Variants in HPSE2 observed in about 807,000 individuals in gnomAD.
HPSE2 encodes heparanase 2 (inactive).
A neutral mutation model predicts 60.5 loss-of-function variants in HPSE2; 38 were observed. The observed-to-expected ratio is 0.63, with a 90% CI of 0.48 to 0.82. The LOEUF (loss-of-function observed/expected upper bound fraction) is 0.82. Ranked by LOEUF, HPSE2 falls within the 40% of genes least tolerant of loss-of-function variation. The pLI, the probability that HPSE2 is intolerant of heterozygous loss-of-function variation, is 0.00. For missense variants in HPSE2, 713 were observed against 740.4 expected (o/e 0.96, Z 0.43); for synonymous variants, 295 against 293.2 (o/e 1.01, Z -0.06).
rs964179277 is a variant in HPSE2, at chr10:99,232,624, G to A, written c.291-119C>T. The A allele has an allele frequency of 3.4e-6, 4 of 1,168,126 alleles. No homozygotes were observed. The Admixed American group carries it at 6.2e-5, about 18-fold the overall frequency. The allele number at this position is 1,168,126 out of a possible 1,614,324, so 72.4% of individuals were successfully genotyped here. On this transcript the variant is annotated intron_variant, in intron 1 of 11. Transcript: ENST00000370552. ...CGACCTGGCCGGGGCTAGAGGCTCT[G>A]TGCCTGCCCCAGCCGGCAGTCCACG...
intron 3 of HPSE2, among the ~76,000 whole-genome samples, chr10:98,794,863 T>A (rs1422335292): frequency 6.6e-6 from 1 of 151,936 alleles, no homozygotes; most frequent in Non-Finnish European, 1.5e-5. Flanking sequence ...AAAAATATAA[T>A]GTTAATTGTA....
intron 9 of HPSE2, among the ~76,000 whole-genome samples, chr10:98,566,563 A>G (rs1564973724): frequency 6.6e-6 from 1 of 152,174 alleles, no homozygotes; most frequent in South Asian, 2.1e-4. Flanking sequence ...TGGCTTTTTA[A>G]AAGTCAAATT....
chr10:99,305,978 C>CACACACATAA, the HPSE2 span, among the ~76,000 whole-genome samples: 6 of 127,788 alleles, frequency 4.7e-5, no homozygotes, highest in Non-Finnish European at 9.9e-5. Context: ...CGCGCGCGCG[C>CACACACATAA]GCACACACAC....
chr10:98,492,746 G>C (rs973819326), intron 9 of HPSE2, among the ~76,000 whole-genome samples: 1 of 152,142 alleles, frequency 6.6e-6, no homozygotes, highest in East Asian at 1.9e-4. Flanking sequence ...GTTTGGGATA[G>C]ATATATAAAA....
At chr10:99,171,162 A>G (rs1339249266) in intron 2 of HPSE2, among the ~76,000 whole-genome samples, 1 of 152,216 alleles carries the variant, frequency 6.6e-6, no homozygotes, top group Admixed American at 6.5e-5. Context: ...GAAAGTATTC[A>G]TTCTTACAAG....
At chr10:99,234,390 A>G (rs1366030733) in intron 1 of HPSE2, among the ~76,000 whole-genome samples, 2 of 152,220 alleles carry the variant, frequency 1.3e-5, no homozygotes, top group Non-Finnish European at 2.9e-5. Context: ...GAATTTCGCA[A>G]GGAGTGAAAA....
the HPSE2 span, among the ~76,000 whole-genome samples, chr10:99,294,888 G>T: frequency 6.6e-6 from 1 of 152,142 alleles, no homozygotes; most frequent in South Asian, 2.1e-4. Flanking sequence ...CCTGGTAAGT[G>T]GAGGTTGCAG....
At chr10:98,659,495 G>A (rs1947167391) in intron 6 of HPSE2, among the ~76,000 whole-genome samples, 1 of 152,126 alleles carries the variant, frequency 6.6e-6, no homozygotes, top group African/African-American at 2.4e-5. Flanking sequence ...CCATGTATCA[G>A]TATTTCATTT....
intron 6 of HPSE2, among the ~76,000 whole-genome samples, chr10:98,684,349 G>T (rs529340789): frequency 2.0e-5 from 3 of 152,150 alleles, no homozygotes; most frequent in African/African-American, 7.2e-5. Context: ...TATAGAAACA[G>T]GAGATTTACT....
At chr10:98,565,822 T>C (rs1465376850) in intron 9 of HPSE2, among the ~76,000 whole-genome samples, 3 of 148,866 alleles carry the variant, frequency 2.0e-5, no homozygotes, top group African/African-American at 7.4e-5. Context: ...AAGTATTGTT[T>C]TATTAAATCT....
intron 9 of HPSE2, among the ~76,000 whole-genome samples, chr10:98,609,304 T>C (rs1224554968): frequency 2.0e-5 from 3 of 152,222 alleles, no homozygotes; most frequent in Non-Finnish European, 2.9e-5. Flanking sequence ...GTATCTCTAG[T>C]GTCTAGCATA....
chr10:98,753,657 G>A (rs1949810647), intron 3 of HPSE2, among the ~76,000 whole-genome samples: 1 of 147,784 alleles, frequency 6.8e-6, no homozygotes, highest in South Asian at 2.2e-4. Context: ...CAGCACAGCA[G>A]CAAGTGCTTA....
At chr10:98,557,086 G>A (rs555872268) in intron 9 of HPSE2, among the ~76,000 whole-genome samples, 8 of 152,032 alleles carry the variant, frequency 5.3e-5, no homozygotes, top group Admixed American at 1.3e-4. Context: ...GGTGGTGGGC[G>A]CCTGTAGTTC....
intron 3 of HPSE2, among the ~76,000 whole-genome samples, chr10:98,802,924 G>T (rs28824236): frequency 6.9e-5 from 10 of 145,698 alleles, no homozygotes; most frequent in East Asian, 4.1e-4. Flanking sequence ...TGAACTAGTT[G>T]ACAGTCCCAC....
At chr10:98,820,047 A>T (rs573170721) in intron 3 of HPSE2, among the ~76,000 whole-genome samples, 162 of 152,138 alleles carry the variant, frequency 1.1e-3, no homozygotes, top group African/African-American at 3.0e-3. Flanking sequence ...TTACTTTTTT[A>T]AAAAAAGCAT....
intron 6 of HPSE2, among the ~76,000 whole-genome samples, chr10:98,642,155 AT>A (rs1946655400): frequency 6.6e-6 from 1 of 151,870 alleles, no homozygotes. Flanking sequence ...TAATACTGTT[AT>A]TTTTTTCAGC....
At chr10:98,727,638 A>G (rs1231433136) in intron 4 of HPSE2, among the ~76,000 whole-genome samples, 1 of 152,052 alleles carries the variant, frequency 6.6e-6, no homozygotes, top group Non-Finnish European at 1.5e-5. Flanking sequence ...CCTAGGTGAC[A>G]GAGTGAGACA....
intron 9 of HPSE2, among the ~76,000 whole-genome samples, chr10:98,519,480 T>G (rs962973177): frequency 1.5e-4 from 23 of 152,268 alleles, no homozygotes; most frequent in Admixed American, 1.5e-3. Context: ...TAAGCTTTCC[T>G]GCACCAAAAG....
intron 4 of HPSE2, among the ~76,000 whole-genome samples, chr10:98,737,748 C>G (rs889602092): frequency 1.3e-5 from 2 of 152,080 alleles, no homozygotes; most frequent in Non-Finnish European, 2.9e-5. Context: ...GAAAAAACCA[C>G]CTAGGAATCC....
Sources: gnomAD v4.1 joint callset for allele counts (sites outside exome capture counted in the v4.1 genomes callset) on GRCh38, gnomAD v4.1.1 for gene constraint, MANE v1.5 for transcripts, NCBI Gene and HGNC (gene_info 2026-07-23, HGNC 2026-07-21) for gene names.